The following PRKG1 variants were observed in gnomAD, a reference collection of about 807,000 sequenced individuals.
PRKG1 encodes the protein cGMP-dependent protein kinase 1.
Under a neutral mutation model 88.1 loss-of-function variants are expected in PRKG1, and 35 were observed. The observed-to-expected ratio is 0.40, with a 90% confidence interval of 0.30 to 0.53. The LOEUF is 0.53. Among genes scored for constraint, PRKG1 ranks in the 20% least tolerant of loss-of-function variants. PRKG1 has a pLI of 0.59. For missense variants in PRKG1, 540 were observed against 839.8 expected (o/e 0.64, Z 4.41); for synonymous variants, 303 against 292.5 (o/e 1.04, Z -0.37).
At chr10:51,882,037 G>C (rs570179653) in intron 4 of PRKG1, among the ~76,000 whole-genome samples, 62 of 152,252 alleles carry the variant, frequency 4.1e-4, no homozygotes, top group African/African-American at 1.4e-3. Flanking sequence ...ACTAAAATGT[G>C]TGAGGACTGT....
chr10:51,037,380 T>C (rs1007817304), intron 1 of PRKG1, among the ~76,000 whole-genome samples: 2 of 152,136 alleles, frequency 1.3e-5, no homozygotes, highest in African/African-American at 4.8e-5. Flanking sequence ...GGGAGGATCC[T>C]TTGAGCCTGG....
chr10:51,117,003 T>G (rs1207979048), intron 1 of PRKG1, among the ~76,000 whole-genome samples: 2 of 152,094 alleles, frequency 1.3e-5, no homozygotes, highest in East Asian at 3.9e-4. Flanking sequence ...TGAGAGATAA[T>G]GGAGAAACGT....
chr10:52,094,417 GCTCT>G (rs199541531), intron 7 of PRKG1, among the ~76,000 whole-genome samples: 6 of 150,382 alleles, frequency 4.0e-5, no homozygotes, highest in Admixed American at 6.7e-5. Context: ...ATCACTTGAT[GCTCT>G]CTCTCTCTCT....
intron 3 of PRKG1, among the ~76,000 whole-genome samples, chr10:51,629,292 C>T (rs545158923): frequency 6.6e-6 from 1 of 152,116 alleles, no homozygotes; most frequent in Admixed American, 6.5e-5. Flanking sequence ...TTTCCATGGA[C>T]TGAGGTGGGG....
chr10:51,851,129 A>T (rs1172377597), intron 4 of PRKG1, among the ~76,000 whole-genome samples: 1 of 152,196 alleles, frequency 6.6e-6, no homozygotes, highest in Non-Finnish European at 1.5e-5. Flanking sequence ...CTGTTAATAG[A>T]TAATCAGGAA....
intron 3 of PRKG1, among the ~76,000 whole-genome samples, chr10:51,720,818 G>C (rs1841993878): frequency 6.6e-6 from 1 of 152,126 alleles, no homozygotes; most frequent in Non-Finnish European, 1.5e-5. Context: ...TTAATGACTA[G>C]ACCTCTCTGA....
rs68018506 is a variant in PRKG1, at chr10:51,330,156, ATT to A, written c.479-137556_479-137555del. On this transcript the variant is annotated intron_variant, in intron 2 of 17. Transcript: ENST00000373980. ...TTATTTATTTATTTATTTTTTATTT[ATT>A]TTTTTTTTTTGAGATGGAGTCTCAC... Among the ~76,000 whole-genome samples the A allele has an allele frequency of 6.0e-5, 7 of 117,106 alleles. No individual in the cohort carries two copies. The East Asian group carries it at 6.8e-4, about 11-fold the overall frequency. 76.8% of individuals were successfully genotyped at this position (117,106 alleles called of 152,430 possible).
chr10:51,848,549 A>ATGTT, intron 4 of PRKG1, among the ~76,000 whole-genome samples: 1 of 152,198 alleles, frequency 6.6e-6, no homozygotes, highest in East Asian at 1.9e-4. Context: ...TCTGTAAAAT[A>ATGTT]TGTTTTCATA....
At chr10:51,399,967 G>C (rs967149198) in intron 2 of PRKG1, among the ~76,000 whole-genome samples, 1 of 152,060 alleles carries the variant, frequency 6.6e-6, no homozygotes, top group Non-Finnish European at 1.5e-5. Context: ...CATGGCTTCC[G>C]TTCATTCTCC....
intron 5 of PRKG1, chr10:51,908,725 C>CTATCTATATATATATATA (rs1299574623): frequency 9.7e-4 from 59 of 60,634 alleles, no homozygotes; most frequent in Admixed American, 3.2e-3. Context: ...GTCTATCTAT[C>CTATCTATATATATATATA]TATATGTAAT....
chr10:52,215,357 G>A (rs1165868630), intron 9 of PRKG1, among the ~76,000 whole-genome samples: 1 of 148,068 alleles, frequency 6.8e-6, no homozygotes, highest in African/African-American at 2.5e-5. Flanking sequence ...TCAGGCCATT[G>A]CACTCCAGCC....
chr10:51,503,926 A>G (rs1177306579), intron 3 of PRKG1, among the ~76,000 whole-genome samples: 1 of 152,138 alleles, frequency 6.6e-6, no homozygotes, highest in Non-Finnish European at 1.5e-5. Context: ...AGAATTTAGA[A>G]TTGATATTTC....
At chr10:51,609,049 T>C (rs1838836752) in intron 3 of PRKG1, among the ~76,000 whole-genome samples, 1 of 152,036 alleles carries the variant, frequency 6.6e-6, no homozygotes, top group African/African-American at 2.4e-5. Flanking sequence ...AGTAAAAAAG[T>C]TATAATAAGC....
At chr10:51,812,973 C>T (rs1032375308) in intron 4 of PRKG1, among the ~76,000 whole-genome samples, 2 of 152,286 alleles carry the variant, frequency 1.3e-5, no homozygotes, top group African/African-American at 4.8e-5. Flanking sequence ...TTCTCCTCTC[C>T]TTTGCAAAAC....
chr10:51,679,110 C>T (rs1840781305), intron 3 of PRKG1, among the ~76,000 whole-genome samples: 1 of 152,150 alleles, frequency 6.6e-6, no homozygotes, highest in Admixed American at 6.5e-5. Flanking sequence ...TTATTCCTCC[C>T]TTATTTTTAA....
At chr10:51,805,903 G>A (rs746685146) in intron 4 of PRKG1, among the ~76,000 whole-genome samples, 1 of 152,080 alleles carries the variant, frequency 6.6e-6, no homozygotes, top group Admixed American at 6.6e-5. Flanking sequence ...TCCTCAATGT[G>A]ATTGGATGAA....
chr10:51,601,966 A>T (rs1838618206), intron 3 of PRKG1, among the ~76,000 whole-genome samples: 1 of 151,646 alleles, frequency 6.6e-6, no homozygotes, highest in Non-Finnish European at 1.5e-5. Flanking sequence ...AGCTCCCATC[A>T]TTTGTCACAG....
intron 7 of PRKG1, among the ~76,000 whole-genome samples, chr10:52,070,109 A>G (rs1483463954): frequency 6.6e-6 from 1 of 152,168 alleles, no homozygotes; most frequent in Non-Finnish European, 1.5e-5. Context: ...AATATTAATC[A>G]TTATTATTAC....
intron 4 of PRKG1, among the ~76,000 whole-genome samples, chr10:51,821,088 T>G (rs1386416963): frequency 6.6e-6 from 1 of 152,194 alleles, no homozygotes; most frequent in Admixed American, 6.5e-5. Flanking sequence ...CAACTTCAGA[T>G]GAATGGAATC....
Sources: allele counts gnomAD v4.1 joint callset (sites outside exome capture counted in the v4.1 genomes callset), GRCh38; gene constraint gnomAD v4.1.1; transcripts MANE v1.5; gene names NCBI Gene and HGNC (gene_info 2026-07-23, HGNC 2026-07-21).